Variants in HIP1 observed in about 807,000 individuals in gnomAD.
The protein encoded by HIP1 is huntingtin-interacting protein 1.
In HIP1, 65 loss-of-function variants were observed where a neutral mutation model predicts 147.6. The ratio of observed to expected loss-of-function variants is 0.44; its 90% CI spans 0.36 to 0.54. The LOEUF (loss-of-function observed/expected upper bound fraction) is 0.54. Among genes scored for constraint, HIP1 ranks in the 20% least tolerant of loss-of-function variants. The pLI, the probability that HIP1 is intolerant of heterozygous loss-of-function variation, is 0.00. For synonymous variants in HIP1, 479 were observed against 504.0 expected (o/e 0.95, Z 0.67); for missense variants, 1,061 against 1,299.6 (o/e 0.82, Z 2.82).
chr7:75,539,108 A>G (rs1794200451), intron 30 of HIP1, among the ~76,000 whole-genome samples: 1 of 152,206 alleles, frequency 6.6e-6, no homozygotes, highest in Non-Finnish European at 1.5e-5. Context: ...TTAAAAGGTG[A>G]CAACAAAAGC....
At chr7:75,670,161 T>C (rs1799690765) in intron 1 of HIP1, among the ~76,000 whole-genome samples, 1 of 152,112 alleles carries the variant, frequency 6.6e-6, no homozygotes, top group African/African-American at 2.4e-5. Flanking sequence ...TATTTTTCTT[T>C]TTTTGAGACA....
At chr7:75,639,612 GGCGT>G (rs1282909332) in intron 1 of HIP1, among the ~76,000 whole-genome samples, 2 of 148,498 alleles carry the variant, frequency 1.3e-5, no homozygotes, top group African/African-American at 2.6e-5. Flanking sequence ...TGTGTGTGCA[GGCGT>G]GCGTGTGCAT....
chr7:75,583,960 T>G (rs191041911), intron 5 of HIP1, among the ~76,000 whole-genome samples: 2 of 149,408 alleles, frequency 1.3e-5, no homozygotes, highest in Non-Finnish European at 3.0e-5. Context: ...GTGTGCGGGA[T>G]ATTTTTGTTG....
Position 75,704,133 on chromosome 7 carries a change from A to G in HIP1, c.120+34668T>C, listed in dbSNP as rs182715943. Among the ~76,000 whole-genome samples the G allele has an allele frequency of 5.3e-5, 8 of 152,326 alleles. No homozygotes were observed. The East Asian group carries it at 1.5e-3, about 29-fold the overall frequency. ...AGACACATGCAGGACCCCACAGAATATAAGCTCCACCAAAGATGATCTCAC... is the reference window on the plus strand; with the variant it reads ...AGACACATGCAGGACCCCACAGAATGTAAGCTCCACCAAAGATGATCTCAC... On this transcript the variant is annotated intron_variant, in intron 1 of 30. Transcript: ENST00000336926.
chr7:75,581,023 C>T (rs1006775214), intron 7 of HIP1, among the ~76,000 whole-genome samples: 7 of 152,102 alleles, frequency 4.6e-5, no homozygotes, highest in Non-Finnish European at 7.4e-5. Context: ...ATTACAGGTG[C>T]GAGCCACTGC....
chr7:75,591,320 A>G (rs1442710667), intron 4 of HIP1, among the ~76,000 whole-genome samples: 3 of 152,110 alleles, frequency 2.0e-5, no homozygotes, highest in African/African-American at 2.4e-5. Flanking sequence ...GGCGTGAGCC[A>G]CTGCGCCTGG....
intron 1 of HIP1, among the ~76,000 whole-genome samples, chr7:75,715,063 G>A (rs1183636659): frequency 9.2e-5 from 14 of 152,110 alleles, no homozygotes; most frequent in African/African-American, 2.4e-4. Context: ...GTTTTCCCAT[G>A]ATTAGACTGA....
chr7:75,602,305 T>A (rs1444519785), intron 1 of HIP1, among the ~76,000 whole-genome samples: 1 of 75,730 alleles, frequency 1.3e-5, no homozygotes, highest in Non-Finnish European at 3.3e-5. Flanking sequence ...CTGGCCAGCT[T>A]TTTTTTTTTT....
intron 7 of HIP1, among the ~76,000 whole-genome samples, chr7:75,574,994 C>T (rs1006586102): frequency 1.3e-5 from 2 of 151,542 alleles, no homozygotes; most frequent in Non-Finnish European, 2.9e-5. Context: ...CTTATCTCTA[C>T]TGAAAATACA....
At chr7:75,584,272 T>G (rs113848589) in intron 5 of HIP1, among the ~76,000 whole-genome samples, 1 of 151,328 alleles carries the variant, frequency 6.6e-6, no homozygotes, top group African/African-American at 2.4e-5. Context: ...CCAAAAAAAA[T>G]TTTTTTTAAG....
intron 1 of HIP1, among the ~76,000 whole-genome samples, chr7:75,694,171 G>A (rs1398674975): frequency 1.3e-5 from 2 of 151,936 alleles, no homozygotes; most frequent in African/African-American, 4.8e-5. Flanking sequence ...ACCCACCTCG[G>A]CCTCCCAAAG....
chr7:75,710,206 G>GT (rs1158672194), intron 1 of HIP1, among the ~76,000 whole-genome samples: 5 of 151,992 alleles, frequency 3.3e-5, no homozygotes, highest in Admixed American at 3.3e-4. Context: ...CATATTGAGT[G>GT]TTTTTATCAG....
At chr7:75,576,349 C>T (rs1422325908) in intron 7 of HIP1, among the ~76,000 whole-genome samples, 1 of 152,176 alleles carries the variant, frequency 6.6e-6, no homozygotes, top group Non-Finnish European at 1.5e-5. Flanking sequence ...TCCTGCAACC[C>T]CCAGAACCGC....
intron 1 of HIP1, among the ~76,000 whole-genome samples, chr7:75,633,078 T>C (rs1453205360): frequency 1.3e-5 from 2 of 152,060 alleles, no homozygotes; most frequent in Non-Finnish European, 2.9e-5. Flanking sequence ...GATGGGTTGA[T>C]CTGTGCAGCA....
At chr7:75,570,586 C>T (rs973429464) in intron 8 of HIP1, among the ~76,000 whole-genome samples, 8 of 151,980 alleles carry the variant, frequency 5.3e-5, no homozygotes, top group Non-Finnish European at 1.2e-4. Flanking sequence ...CCACCGTGCC[C>T]GGCCAGTTGT....
chr7:75,683,472 A>G (rs1003636263), intron 1 of HIP1, among the ~76,000 whole-genome samples: 12 of 152,060 alleles, frequency 7.9e-5, no homozygotes, highest in African/African-American at 2.4e-4. Flanking sequence ...GGGCGTGTGC[A>G]TGTATGTGGA....
chr7:75,578,857 C>G (rs1795936127), intron 7 of HIP1, among the ~76,000 whole-genome samples: 1 of 151,622 alleles, frequency 6.6e-6, no homozygotes, highest in Admixed American at 6.6e-5. Context: ...GCTCTGTCAC[C>G]CGGGCTGGAG....
intron 1 of HIP1, among the ~76,000 whole-genome samples, chr7:75,607,967 C>T (rs973168897): frequency 6.6e-6 from 1 of 152,124 alleles, no homozygotes; most frequent in Non-Finnish European, 1.5e-5. Context: ...GGCCTAAACT[C>T]ACTGGCACAA....
chr7:75,566,935 A>G (rs1795426562), intron 9 of HIP1, among the ~76,000 whole-genome samples: 1 of 151,078 alleles, frequency 6.6e-6, no homozygotes, highest in East Asian at 1.9e-4. Context: ...AACATGGTGA[A>G]ATCCTGTCTC....
Sources: gnomAD v4.1 joint callset for allele counts (sites outside exome capture counted in the v4.1 genomes callset) on GRCh38, gnomAD v4.1.1 for gene constraint, MANE v1.5 for transcripts, NCBI Gene and HGNC (gene_info 2026-07-23, HGNC 2026-07-21) for gene names.